OR51G2: variants seen among roughly 807,000 people sequenced by gnomAD.
The protein encoded by OR51G2 is olfactory receptor 51G2.
A neutral mutation model predicts 11.8 loss-of-function variants in OR51G2; 13 were observed. That is an observed-to-expected ratio of 1.10 (90% CI 0.72 to 1.76). The LOEUF is 1.76. Ranked by LOEUF, OR51G2 falls within the 40% of genes most tolerant of loss-of-function variation. The pLI is 0.00. For missense variants in OR51G2, 474 were observed against 394.4 expected (o/e 1.20, Z -1.71); for synonymous variants, 178 against 151.9 (o/e 1.17, Z -1.26).
Position 4,913,976 on chromosome 11 carries a change from A to AGTGATTGT in OR51G2, c.*742_*743insACAATCAC, listed in dbSNP as rs1459088706. On this transcript the variant is annotated 3_prime_UTR_variant, in exon 2 of 2. Transcript: ENST00000641926. ...AATTTCTTTTTTCTTTGAAGAATAC[A>AGTGATTGT]ATTAACATGTGATTGTATAACGAAT... 4 of 152,230 alleles carry AGTGATTGT rather than the reference A, an allele frequency of 2.6e-5. No homozygotes were observed. The highest frequency in any genetic ancestry group is 9.6e-5 in the African/African-American group (4 of 41,462). The allele number at this position is 152,230 out of a possible 1,614,324, so 9.4% of individuals were successfully genotyped here.
In OR51G2 at chr11:4,914,664, G is replaced by A; in HGVS notation, c.*55C>T. 8.4e-7 allele frequency: 1 copy of A among 1,196,688 alleles called. No individual in the cohort carries two copies. Among genetic ancestry groups the A allele is most frequent in the Non-Finnish European group, 1.2e-6 (1 of 833,590 alleles). The allele number at this position is 1,196,688 out of a possible 1,614,324, so 74.1% of individuals were successfully genotyped here. A position where few individuals can be genotyped will look rare whatever the true frequency, so the allele number is the denominator to read the frequency against. ...TTTTATGCATGTTAGAAATTATAAA[G>A]GATAGGCAAACAAGGGCACGTTTCA... On this transcript the variant is annotated 3_prime_UTR_variant, in exon 2 of 2. Coordinates refer to ENST00000641926, the MANE Select transcript of OR51G2 (RefSeq NM_001005238.2).
chr11:4,915,746 G>T lies in OR51G2; in HGVS notation c.-76-7C>A. 1.2e-6 allele frequency: 1 copy of T among 822,776 alleles called. No homozygotes were observed. The highest frequency in any genetic ancestry group is 1.9e-6 in the Non-Finnish European group (1 of 522,018). The allele number at this position is 822,776 out of a possible 1,614,324, so 51.0% of individuals were successfully genotyped here. A position where few individuals can be genotyped will look rare whatever the true frequency, so the allele number is the denominator to read the frequency against. The stretch of plus-strand genomic sequence containing the variant: ...GCAGTACTGGTGATTGCACCTGGTG[G>T]AAATTAAAGAAAAAAAATAGAATCA... On this transcript the variant is annotated splice_region_variant and splice_polypyrimidine_tract_variant and intron_variant, in intron 1 of 1. Coordinates refer to ENST00000641926, the MANE Select transcript of OR51G2 (RefSeq NM_001005238.2).
chr11:4,917,369 A>G (rs1296105474), intron 1 of OR51G2, among the ~76,000 whole-genome samples: 1 of 152,234 alleles, frequency 6.6e-6, no homozygotes, highest in Non-Finnish European at 1.5e-5. Context: ...TCTAGACTTC[A>G]GGATATAAAC....
Position 4,915,141 on chromosome 11 carries a change from C to T in OR51G2, c.523G>A (p.Gly175Ser). 1 of 1,613,974 alleles carries T rather than the reference C, an allele frequency of 6.2e-7. No individual in the cohort carries two copies. Among genetic ancestry groups the T allele is most frequent in the Non-Finnish European group, 8.5e-7 (1 of 1,179,994 alleles). Residue 175 changes from glycine (G) to serine (S), a missense_variant, in exon 2 of 2, where the codon GGC (glycine) becomes AGC (serine). Gly to Ser is a moderately conservative substitution (Grantham distance 56). Transcript: ENST00000641926. The stretch of plus-strand genomic sequence containing the variant: ...TAAGAATGTGAGAGAACTGGGGAGC[C>T]ACAATAGGGGAATCTTTTGAGCATA... ...PFMLKRFPYC[G>S]SPVLSHSYCL...
Position 4,915,302 on chromosome 11 carries a change from A to G in OR51G2, c.362T>C (p.Leu121Pro). Residue 121 changes from leucine (L) to proline (P), a missense_variant, in exon 2 of 2, where the codon CTG becomes CCG. Leu to Pro is a moderately conservative substitution (Grantham distance 98, BLOSUM62 -3). Coordinates refer to ENST00000641926, the MANE Select transcript of OR51G2 (RefSeq NM_001005238.2). Reference protein sequence around the residue: ...CFSFLESSVLLSMAFDRFVAI... With the variant: ...CFSFLESSVLPSMAFDRFVAI... ...CACAAAGCGGTCAAAGGCCATAGAC[A>G]GTAGCACAGAGGACTCGAGGAAGGA... The G allele has an allele frequency of 6.2e-7, 1 of 1,614,040 alleles. No individual in the cohort carries two copies. The highest frequency in any genetic ancestry group is 8.5e-7 in the Non-Finnish European group (1 of 1,179,968).
chr11:4,913,298 A>G lies in OR51G2; in HGVS notation c.*1421T>C, dbSNP rs955296897. 2 of 152,188 alleles carry G rather than the reference A, an allele frequency of 1.3e-5. No individual in the cohort carries two copies. The highest frequency in any genetic ancestry group is 2.9e-5 in the Non-Finnish European group (2 of 68,056). The allele number at this position is 152,188 out of a possible 1,614,324, so 9.4% of individuals were successfully genotyped here. On this transcript the variant is annotated 3_prime_UTR_variant, in exon 2 of 2. Transcript: ENST00000641926. ...CAATGTTAAATGTCAGGTGTACTAG[A>G]TTGCCTTGGAAGAGACCAACCTCAG...
Position 4,914,639 on chromosome 11 carries a change from T to C in OR51G2, c.*80A>G. 1.1e-6 allele frequency: 1 copy of C among 932,786 alleles called. No individual in the cohort carries two copies. The highest frequency in any genetic ancestry group is 1.6e-6 in the Non-Finnish European group (1 of 614,568). The allele number at this position is 932,786 out of a possible 1,614,324, so 57.8% of individuals were successfully genotyped here. A position where few individuals can be genotyped will look rare whatever the true frequency, so the allele number is the denominator to read the frequency against. On this transcript the variant is annotated 3_prime_UTR_variant, in exon 2 of 2. Transcript: ENST00000641926. ...GTTGAGTAAGTAAATGTCTCCTTTA[T>C]TTTATGCATGTTAGAAATTATAAAG...
At chr11:4,918,607 C>T (rs546225681) in intron 1 of OR51G2, among the ~76,000 whole-genome samples, 9 of 152,252 alleles carry the variant, frequency 5.9e-5, no homozygotes, top group South Asian at 4.2e-4. Flanking sequence ...TTAAAATCCT[C>T]GCAGAACCCA....
At position 4,915,470 on chromosome 11, in the gene OR51G2, T is replaced by C; in HGVS notation, c.194A>G (p.Tyr65Cys). The change falls in exon 2 of 2, where the codon TAT (tyrosine) becomes TGT (cysteine). Residue 65 changes from tyrosine to cysteine, a missense_variant. By Grantham distance (194) the Tyr-to-Cys change is radical (BLOSUM62 -2). Transcript: ENST00000641926. ...CAGAGCCAGCATGGACAGGAAGAGA[T>C]ACATAGGTTCATGAAGTGAGCGCTC... ...KTERSLHEPMYLFLSMLALID... is the reference protein window; with the variant it reads ...KTERSLHEPMCLFLSMLALID... The C allele has an allele frequency of 6.2e-7, 1 of 1,614,076 alleles. No individual in the cohort carries two copies. Among genetic ancestry groups the C allele is most frequent in the African/African-American group, 1.3e-5 (1 of 75,012 alleles).
intron 1 of OR51G2, 141 bp from the exon 2 acceptor site, chr11:4,915,880 A>G (rs1851081077): frequency 2.0e-6 from 1 of 500,450 alleles, no homozygotes; most frequent in African/African-American, 1.9e-5. Flanking sequence ...AATAAGAAGC[A>G]AAGACATGGA....
Position 4,913,840 on chromosome 11 carries a change from G to C in OR51G2, c.*879C>G, listed in dbSNP as rs980243758. The C allele has an allele frequency of 6.6e-6, 1 of 152,108 alleles. No homozygotes were observed. The highest frequency in any genetic ancestry group is 3.2e-3 in the Middle Eastern group (1 of 316). 9.4% of individuals were successfully genotyped at this position (152,108 alleles called of 1,614,324 possible). A position where few individuals can be genotyped will look rare whatever the true frequency, so the allele number is the denominator to read the frequency against. On this transcript the variant is annotated 3_prime_UTR_variant, in exon 2 of 2. Coordinates refer to ENST00000641926, the MANE Select transcript of OR51G2 (RefSeq NM_001005238.2). ...ATATTTTTGTCTCCTTCCTCTTACA[G>C]TTTTTGACTGCCTAATGCCTACATT... is the stretch of plus-strand genomic sequence containing the variant.
At chr11:4,916,371 T>A (rs1375570615) in intron 1 of OR51G2, among the ~76,000 whole-genome samples, 1 of 148,636 alleles carries the variant, frequency 6.7e-6, no homozygotes, top group African/African-American at 2.5e-5. Flanking sequence ...TATTTAACTT[T>A]GCCTGCCTCT....
intron 1 of OR51G2, among the ~76,000 whole-genome samples, chr11:4,918,331 A>G (rs1271020829): frequency 6.6e-6 from 1 of 152,112 alleles, no homozygotes; most frequent in Non-Finnish European, 1.5e-5. Context: ...AAAGATATAG[A>G]GAAATGTTAA....
chr11:4,915,266 TG>T lies in OR51G2; in HGVS notation c.397del (p.His133ThrfsTer26), dbSNP rs777721397. The T allele has an allele frequency of 6.2e-7, 1 of 1,612,996 alleles. No individual in the cohort carries two copies. Among genetic ancestry groups the T allele is most frequent in the Admixed American group, 1.7e-5 (1 of 59,920 alleles). On this transcript the variant is annotated frameshift_variant, in exon 2 of 2. Transcript: ENST00000641926. LOFTEE classifies it high-confidence loss of function. Reference protein sequence around the residue: ...MAFDRFVAICHPLHYVSILTN... With the variant: ...MAFDRFVAICXPLHYVSILTN... ...GAGAATGGAAACATAGTGCAAGGGG[TG>T]GCAGATAGCCACAAAGCGGTCAAAG... is the stretch of plus-strand genomic sequence containing the variant.
At chr11:4,916,828 A>C (rs1435901286) in intron 1 of OR51G2, among the ~76,000 whole-genome samples, 1 of 152,218 alleles carries the variant, frequency 6.6e-6, no homozygotes, top group Non-Finnish European at 1.5e-5. Context: ...TGTGGACCTA[A>C]GTGGCAGGAG....
Position 4,915,513 on chromosome 11 carries a change from G to T in OR51G2, c.151C>A (p.Leu51Ile), listed in dbSNP as rs1002528710. 4 of 1,614,126 alleles carry T rather than the reference G, an allele frequency of 2.5e-6. No homozygotes were observed. The highest frequency in any genetic ancestry group is 1.7e-5 in the Admixed American group (1 of 60,020). ...LVSIPGNCTI[L>I]FIIKTERSLH... The stretch of plus-strand genomic sequence containing the variant: ...GAGCGCTCTGTTTTAATGATAAAAA[G>T]AATTGTGCAGTTGCCCGGGATGGAA... The change falls in exon 2 of 2, where the codon CTT becomes ATT. Residue 51 changes from leucine to isoleucine, a missense_variant. Transcript: ENST00000641926.
In OR51G2 at chr11:4,914,989, CAG is replaced by C; in HGVS notation, c.673_674del (p.Leu225AspfsTer13). 3 of 1,614,084 alleles carry C rather than the reference CAG, an allele frequency of 1.9e-6. No homozygotes were observed. Among genetic ancestry groups the C allele is most frequent in the Non-Finnish European group, 2.5e-6 (3 of 1,180,020 alleles). On this transcript the variant is annotated frameshift_variant, in exon 2 of 2. Transcript: ENST00000641926. LOFTEE classifies it high-confidence loss of function. ...DSLLILFSYA[L>X]ILRTVLSIAS... ...CGATGGACAGCACGGTGCGCAGGAT[CAG>C]AGCATAAGAGAAGAGGATGAGCAGT...
rs149983370 is a variant in OR51G2, at chr11:4,915,563, A to T, written c.101T>A (p.Ile34Asn). ...GLERMHIWIS[I>N]PLCFMYLVSI... ...AACCAGATACATGAAGCACAGTGGGATGGAGATCCAGATGTGCATGCGCTC... is the reference window on the plus strand; with the variant it reads ...AACCAGATACATGAAGCACAGTGGGTTGGAGATCCAGATGTGCATGCGCTC... Residue 34 changes from isoleucine (I) to asparagine (N), a missense_variant, in exon 2 of 2, where the codon ATC (isoleucine) becomes AAC (asparagine). Physicochemically the swap from Ile to Asn is moderately radical, Grantham distance 149. Coordinates refer to ENST00000641926, the MANE Select transcript of OR51G2 (RefSeq NM_001005238.2). 13 of 1,613,924 alleles carry T rather than the reference A, an allele frequency of 8.1e-6. No individual in the cohort carries two copies. Among genetic ancestry groups the T allele is most frequent in the Non-Finnish European group, 1.1e-5 (13 of 1,179,990 alleles).
At position 4,913,542 on chromosome 11, in the gene OR51G2, T is replaced by C. The variant is rs900905411; in HGVS notation, c.*1177A>G. On this transcript the variant is annotated 3_prime_UTR_variant, in exon 2 of 2. Transcript: ENST00000641926. ...ATATTGACATGTATTACTCAAAATA[T>C]AACTTTTATCTAGAATGTCTTGGGG... The C allele has an allele frequency of 2.6e-5, 4 of 152,208 alleles. No homozygotes were observed. Among genetic ancestry groups the C allele is most frequent in the Non-Finnish European group, 5.9e-5 (4 of 68,038 alleles). The allele number at this position is 152,208 out of a possible 1,614,324, so 9.4% of individuals were successfully genotyped here.
Sources: allele counts gnomAD v4.1 joint callset (sites outside exome capture counted in the v4.1 genomes callset), GRCh38; gene constraint gnomAD v4.1.1; transcripts MANE v1.5; gene names NCBI Gene and HGNC (gene_info 2026-07-23, HGNC 2026-07-21).